The following NKAIN3 variants were observed in gnomAD, a reference collection of about 807,000 sequenced individuals.
NKAIN3 encodes the protein sodium/potassium transporting ATPase interacting 3, also known as sodium/potassium-transporting ATPase subunit beta-1-interacting protein 3.
Under a neutral mutation model 30.2 loss-of-function variants are expected in NKAIN3, and 25 were observed. The ratio of observed to expected loss-of-function variants is 0.83; its 90% CI spans 0.60 to 1.16. The LOEUF (loss-of-function observed/expected upper bound fraction) is 1.16, where lower values mean the gene tolerates loss of function less well. Ranked by LOEUF, NKAIN3 falls within the 50% of genes most tolerant of loss-of-function variation. The pLI, the probability that NKAIN3 is intolerant of heterozygous loss-of-function variation, is 0.00. For synonymous variants in NKAIN3, 91 were observed against 89.6 expected (o/e 1.02, Z -0.09); for missense variants, 225 against 254.1 (o/e 0.89, Z 0.78).
intron 5 of NKAIN3, among the ~76,000 whole-genome samples, chr8:62,921,088 A>C (rs10097974): frequency 0.68 from 103,325 of 152,042 alleles, 36,031 homozygotes; most frequent in East Asian, 0.9. Flanking sequence ...TTAGGTGCAA[A>C]AATGAACTGC....
chr8:62,781,880 C>G (rs1328503560), intron 4 of NKAIN3, among the ~76,000 whole-genome samples: 1 of 151,878 alleles, frequency 6.6e-6, no homozygotes, highest in Non-Finnish European at 1.5e-5. Context: ...AAACATTGCT[C>G]TAGGCAAAAA....
rs191978782 is a variant in NKAIN3, at chr8:62,914,216, T to A, written c.472-4237T>A. On this transcript the variant is annotated intron_variant, in intron 4 of 6. Transcript: ENST00000623646. ...TGGGAAAATGGATGGAGCTGGAGGC[T>A]ATTTTCCTTAGCAAACTAATGCAGG... 6.8e-4 allele frequency among the ~76,000 whole-genome samples: 104 copies of A among 152,340 alleles called. 1 individual carries two copies. Among genetic ancestry groups the A allele is most frequent in the African/African-American group, 2.5e-3 (103 of 41,580 alleles).
At chr8:62,572,864 T>C (rs534344985) in intron 1 of NKAIN3, among the ~76,000 whole-genome samples, 11 of 152,298 alleles carry the variant, frequency 7.2e-5, no homozygotes, top group African/African-American at 2.6e-4. Flanking sequence ...GATTTGGGTA[T>C]GGACACAAAG....
At chr8:62,529,302 A>G (rs1808414258) in intron 1 of NKAIN3, among the ~76,000 whole-genome samples, 1 of 152,160 alleles carries the variant, frequency 6.6e-6, no homozygotes, top group African/African-American at 2.4e-5. Flanking sequence ...TTTTACTTCA[A>G]ATTATTTTTG....
At chr8:62,999,546 A>G (rs2130939721) in exon 6 of NKAIN3, 1 of 152,270 alleles carries the variant, frequency 6.6e-6, no homozygotes, top group South Asian at 2.1e-4. Flanking sequence ...TCAAAACTAT[A>G]TCATATGGTT....
intron 4 of NKAIN3, among the ~76,000 whole-genome samples, chr8:62,906,238 G>A (rs1014861211): frequency 1.3e-5 from 2 of 152,206 alleles, no homozygotes; most frequent in African/African-American, 4.8e-5. Flanking sequence ...TAATTTATAA[G>A]TAGGGTAAAA....
At chr8:62,547,853 TTGAA>T (rs2129921098) in intron 1 of NKAIN3, among the ~76,000 whole-genome samples, 1 of 152,298 alleles carries the variant, frequency 6.6e-6, no homozygotes, top group South Asian at 2.1e-4. Flanking sequence ...CTGCTCAAAT[TTGAA>T]TGCACGTAAC....
Position 62,747,121 on chromosome 8 carries a change from C to T in NKAIN3, c.463C>T (p.Leu155=). Residue 155 remains leucine (L), a synonymous_variant, in exon 4 of 7, where the codon CTA becomes TTA. Transcript: ENST00000623646. The stretch of plus-strand genomic sequence containing the variant: ...GGTCATCCACAGTGCTGTCCAAATA[C>T]TACTCTCTGTAAGTGTCACTTTTGT... ...LEVIHSAVQI[L]LSLVGFVYAC... is the part of the protein sequence containing the mutation. The T allele has an allele frequency of 1.3e-6, 2 of 1,599,058 alleles. No homozygotes were observed. The highest frequency in any genetic ancestry group is 2.2e-5 in the East Asian group (1 of 44,630).
intron 1 of NKAIN3, among the ~76,000 whole-genome samples, chr8:62,436,016 TTC>T (rs1805162198): frequency 6.6e-6 from 1 of 152,214 alleles, no homozygotes; most frequent in Non-Finnish European, 1.5e-5. Context: ...TGTTTTCATA[TTC>T]TGACTTTTAA....
chr8:62,657,160 A>G (rs1444800531), intron 3 of NKAIN3, among the ~76,000 whole-genome samples: 1 of 152,228 alleles, frequency 6.6e-6, no homozygotes, highest in Non-Finnish European at 1.5e-5. Context: ...TCTACCTTGC[A>G]AAGTAACTAT....
At chr8:62,781,435 G>A (rs917609985) in intron 4 of NKAIN3, among the ~76,000 whole-genome samples, 3 of 151,652 alleles carry the variant, frequency 2.0e-5, no homozygotes, top group African/African-American at 7.2e-5. Flanking sequence ...ATCTTAAAAT[G>A]TGTATGGAAT....
intron 3 of NKAIN3, among the ~76,000 whole-genome samples, chr8:62,693,878 T>C (rs1413877217): frequency 6.6e-6 from 1 of 152,190 alleles, no homozygotes; most frequent in Non-Finnish European, 1.5e-5. Flanking sequence ...AAGTACATCA[T>C]GACTTGAGCT....
In NKAIN3 at chr8:62,982,760, T is replaced by C. The variant is rs1217189672; in HGVS notation, c.*17353T>C. 6.6e-6 allele frequency: 1 copy of C among 152,138 alleles called. No homozygotes were observed. The highest frequency in any genetic ancestry group is 1.5e-5 in the Non-Finnish European group (1 of 68,028). The allele number at this position is 152,138 out of a possible 1,614,324, so 9.4% of individuals were successfully genotyped here. A position where few individuals can be genotyped will look rare whatever the true frequency, so the allele number is the denominator to read the frequency against. On this transcript the variant is annotated 3_prime_UTR_variant, in exon 7 of 7. Transcript: ENST00000623646. ...AAGTTATCAAAATCCCAGGAATATT[T>C]CACAGAAAAGAGAAGCATTTATAGC...
chr8:62,845,616 T>C (rs1019476291), intron 4 of NKAIN3, among the ~76,000 whole-genome samples: 1 of 151,964 alleles, frequency 6.6e-6, no homozygotes, highest in African/African-American at 2.4e-5. Flanking sequence ...TCCCAGAAGA[T>C]GTGAAATAAA....
At chr8:62,741,418 G>GGAAA (rs1815881588) in intron 3 of NKAIN3, among the ~76,000 whole-genome samples, 1 of 133,048 alleles carries the variant, frequency 7.5e-6, no homozygotes, top group African/African-American at 3.4e-5. Flanking sequence ...AAGGAAGGAA[G>GGAAA]GAAGGCAGGC....
At chr8:62,324,939 ATCCTGCAGTGTTTCTTCT>A (rs753262873) in intron 1 of NKAIN3, among the ~76,000 whole-genome samples, 269 of 152,264 alleles carry the variant, frequency 1.8e-3, no homozygotes, top group Non-Finnish European at 2.9e-3. Context: ...AGAGAATGTC[ATCCTGCAGTGTTTCTTCT>A]TCCCAAAGCC....
intron 2 of NKAIN3, among the ~76,000 whole-genome samples, chr8:62,584,130 C>T (rs952924158): frequency 3.3e-5 from 5 of 152,168 alleles, no homozygotes; most frequent in Non-Finnish European, 5.9e-5. Context: ...TGACTTTTCA[C>T]TGTGAGGGGA....
chr8:62,251,639 A>G (rs1812105647), intron 1 of NKAIN3, among the ~76,000 whole-genome samples: 1 of 152,210 alleles, frequency 6.6e-6, no homozygotes, highest in African/African-American at 2.4e-5. Context: ...TTTCTTTCAT[A>G]GCTATTGACA....
At chr8:62,301,656 A>G (rs1814054030) in intron 1 of NKAIN3, among the ~76,000 whole-genome samples, 1 of 152,114 alleles carries the variant, frequency 6.6e-6, no homozygotes. Context: ...TAACAGTAGC[A>G]TTGATATATT....
Sources: gnomAD v4.1 joint callset for allele counts (sites outside exome capture counted in the v4.1 genomes callset) on GRCh38, gnomAD v4.1.1 for gene constraint, MANE v1.5 for transcripts, NCBI Gene and HGNC (gene_info 2026-07-23, HGNC 2026-07-21) for gene names.